The following LRP1B variants were observed in gnomAD, a reference collection of about 807,000 sequenced individuals.
The protein encoded by LRP1B is LDL receptor related protein 1B.
A neutral mutation model predicts 556.6 loss-of-function variants in LRP1B; 217 were observed. That is an observed-to-expected ratio of 0.39 (90% CI 0.35 to 0.44). The LOEUF (loss-of-function observed/expected upper bound fraction) is 0.44. Ranked by LOEUF, LRP1B falls within the 20% of genes least tolerant of loss-of-function variation. LRP1B has a pLI of 1.00. For synonymous variants in LRP1B, 2,047 were observed against 1,865.8 expected (o/e 1.10, Z -2.50); for missense variants, 5,053 against 5,620.8 (o/e 0.90, Z 3.23).
In LRP1B at chr2:140,404,168, C is replaced by CTTTT. The variant is rs68017900; in HGVS notation, c.10415-18163_10415-18160dup. On this transcript the variant is annotated intron_variant, in intron 66 of 90. Transcript: ENST00000389484. The stretch of plus-strand genomic sequence containing the variant: ...CTGGATCTGTACCAAAATAGAACTT[C>CTTTT]TTTTTTTTTTTTTTTTTTTTTTTTG... 6.6e-3 allele frequency among the ~76,000 whole-genome samples: 609 copies of CTTTT among 92,432 alleles called. 1 individual carries two copies. The highest frequency in any genetic ancestry group is 9.6e-3 in the Middle Eastern group (1 of 104). The allele number at this position is 92,432 out of a possible 152,430, so 60.6% of individuals were successfully genotyped here. A position where few individuals can be genotyped will look rare whatever the true frequency, so the allele number is the denominator to read the frequency against.
intron 41 of LRP1B, chr2:140,683,886 C>A (rs1685952677): frequency 1.8e-6 from 1 of 549,048 alleles, no homozygotes; most frequent in Non-Finnish European, 3.3e-6. Flanking sequence ...CCCTGGCAGA[C>A]TGAGGGGTCC....
At chr2:140,903,809 TAAA>T (rs5834788) in intron 22 of LRP1B, among the ~76,000 whole-genome samples, 2 of 118,700 alleles carry the variant, frequency 1.7e-5, no homozygotes, top group Non-Finnish European at 3.7e-5. Flanking sequence ...AGCAAAACAC[TAAA>T]AAAAAAAAAA....
chr2:140,594,200 C>T (rs931387176), intron 43 of LRP1B, among the ~76,000 whole-genome samples: 34 of 152,194 alleles, frequency 2.2e-4, no homozygotes, highest in African/African-American at 7.2e-4. Flanking sequence ...GAACTCCCGA[C>T]CTCGGGTGAT....
At chr2:140,581,408 G>T (rs1176985367) in intron 43 of LRP1B, among the ~76,000 whole-genome samples, 1 of 151,914 alleles carries the variant, frequency 6.6e-6, no homozygotes, top group East Asian at 1.9e-4. Context: ...AGCACATTTT[G>T]CTTGCACACA....
At chr2:140,277,238 C>G (rs1391606736) in intron 84 of LRP1B, among the ~76,000 whole-genome samples, 1 of 151,854 alleles carries the variant, frequency 6.6e-6, no homozygotes, top group African/African-American at 2.4e-5. Flanking sequence ...AAAAACTTAT[C>G]TGCAGTATGC....
At chr2:141,978,037 G>A (rs896436960) in intron 1 of LRP1B, among the ~76,000 whole-genome samples, 8 of 151,852 alleles carry the variant, frequency 5.3e-5, no homozygotes, top group East Asian at 3.9e-4. Flanking sequence ...TGAACAACTC[G>A]CAAACCACAT....
chr2:140,847,139 T>C (rs755373072), intron 29 of LRP1B, among the ~76,000 whole-genome samples: 2 of 152,156 alleles, frequency 1.3e-5, no homozygotes, highest in Non-Finnish European at 2.9e-5. Context: ...AGGCTTCTGA[T>C]ATCTCTTACT....
Position 142,031,335 on chromosome 2 carries a change from T to TTTTTTTTA in LRP1B, c.82+99312_82+99313insTAAAAAAA, listed in dbSNP as rs1553506182. 2.8e-4 allele frequency among the ~76,000 whole-genome samples: 38 copies of TTTTTTTTA among 136,676 alleles called. 2 individuals are homozygous for TTTTTTTTA. Among genetic ancestry groups the TTTTTTTTA allele is most frequent in the Admixed American group, 2.7e-3 (36 of 13,566 alleles). The allele number at this position is 136,676 out of a possible 152,430, so 89.7% of individuals were successfully genotyped here. A position where few individuals can be genotyped will look rare whatever the true frequency, so the allele number is the denominator to read the frequency against. ...GAGAAAGGTTGATTATACTTATTTT[T>TTTTTTTTA]TTTTTTTTTTTTTATTATACTCTAA... On this transcript the variant is annotated intron_variant, in intron 1 of 90. Transcript: ENST00000389484.
intron 76 of LRP1B, among the ~76,000 whole-genome samples, chr2:140,352,034 T>C (rs1008502778): frequency 6.6e-6 from 1 of 152,162 alleles, no homozygotes; most frequent in African/African-American, 2.4e-5. Flanking sequence ...CTTCTTGTAA[T>C]AACAATCTTA....
chr2:141,803,223 T>G (rs1696067207), intron 2 of LRP1B, among the ~76,000 whole-genome samples: 1 of 151,496 alleles, frequency 6.6e-6, no homozygotes, highest in African/African-American at 2.4e-5. Flanking sequence ...GACCTTTTTT[T>G]TTTTTTAATT....
chr2:141,558,247 G>A (rs1159579690), intron 2 of LRP1B, among the ~76,000 whole-genome samples: 1 of 151,852 alleles, frequency 6.6e-6, no homozygotes, highest in Non-Finnish European at 1.5e-5. Flanking sequence ...AACTTAGGGT[G>A]TTAATTTACT....
At chr2:141,698,280 C>T (rs1202365512) in intron 2 of LRP1B, among the ~76,000 whole-genome samples, 1 of 151,858 alleles carries the variant, frequency 6.6e-6, no homozygotes, top group South Asian at 2.1e-4. Context: ...TGCTCTCGCA[C>T]ATCTTCCTAC....
At chr2:141,839,737 A>G (rs1697402353) in intron 1 of LRP1B, among the ~76,000 whole-genome samples, 1 of 152,180 alleles carries the variant, frequency 6.6e-6, no homozygotes, top group South Asian at 2.1e-4. Context: ...ATGAGACTCT[A>G]TAGATACTAA....
intron 77 of LRP1B, among the ~76,000 whole-genome samples, chr2:140,341,629 TA>T (rs1681396023): frequency 6.6e-6 from 1 of 151,416 alleles, no homozygotes. Context: ...GAAGGGAAGA[TA>T]AAAAGTTGCA....
At chr2:140,746,009 T>C (rs1221288114) in intron 35 of LRP1B, among the ~76,000 whole-genome samples, 3 of 150,210 alleles carry the variant, frequency 2.0e-5, no homozygotes, top group Non-Finnish European at 4.4e-5. Context: ...AAGTAACCTC[T>C]CTGAGCCTGG....
chr2:141,600,148 C>T (rs1195859848), intron 2 of LRP1B, among the ~76,000 whole-genome samples: 2 of 152,084 alleles, frequency 1.3e-5, no homozygotes, highest in Non-Finnish European at 2.9e-5. Flanking sequence ...AAATAGTGAT[C>T]AATTCCCTTT....
intron 41 of LRP1B, among the ~76,000 whole-genome samples, chr2:140,658,848 G>T (rs192374364): frequency 5.1e-4 from 77 of 152,108 alleles, no homozygotes; most frequent in African/African-American, 1.8e-3. Flanking sequence ...AATGCAGTAG[G>T]TAATAGGTTG....
chr2:141,731,177 T>C (rs1346802841), intron 2 of LRP1B, among the ~76,000 whole-genome samples: 1 of 152,120 alleles, frequency 6.6e-6, no homozygotes, highest in Non-Finnish European at 1.5e-5. Flanking sequence ...GCAGTGGTTT[T>C]TAAACAAGAG....
intron 1 of LRP1B, among the ~76,000 whole-genome samples, chr2:141,934,186 T>A (rs1240705354): frequency 6.6e-6 from 1 of 151,876 alleles, no homozygotes; most frequent in Non-Finnish European, 1.5e-5. Context: ...GATGACAGAA[T>A]CAGTGAACTG....
Sources: gnomAD v4.1 joint callset for allele counts (sites outside exome capture counted in the v4.1 genomes callset) on GRCh38, gnomAD v4.1.1 for gene constraint, MANE v1.5 for transcripts, NCBI Gene and HGNC (gene_info 2026-07-23, HGNC 2026-07-21) for gene names.